The following PVT1 variants were observed in gnomAD, a reference collection of about 807,000 sequenced individuals.
The protein encoded by PVT1 is CXCR4/PVT1 fusion.
intron 4 of PVT1, among the ~76,000 whole-genome samples, chr8:128,029,348 G>A (rs921458430): frequency 1.3e-5 from 2 of 151,784 alleles, no homozygotes; most frequent in East Asian, 1.9e-4. Flanking sequence ...GGCTGGTCTC[G>A]AACTCCTGGG....
At chr8:127,799,277 A>G (rs1814435480) in intron 2 of PVT1, among the ~76,000 whole-genome samples, 1 of 152,128 alleles carries the variant, frequency 6.6e-6, no homozygotes, top group East Asian at 1.9e-4. Flanking sequence ...CTGCTGCTTC[A>G]GCCCGGCATG....
chr8:127,804,781 ACTCCTGAC>A (rs1814507623), intron 2 of PVT1, among the ~76,000 whole-genome samples: 1 of 145,810 alleles, frequency 6.9e-6, no homozygotes, highest in Admixed American at 6.8e-5. Flanking sequence ...CTGGTCTTGA[ACTCCTGAC>A]CTCAAGTGAT....
At chr8:127,830,605 G>C (rs1282139349) in intron 2 of PVT1, among the ~76,000 whole-genome samples, 1 of 152,142 alleles carries the variant, frequency 6.6e-6, no homozygotes, top group Non-Finnish European at 1.5e-5. Flanking sequence ...TACGAGTCAG[G>C]CTGGGTGGTT....
At chr8:127,840,798 A>C (rs2129714866) in intron 2 of PVT1, among the ~76,000 whole-genome samples, 1 of 152,374 alleles carries the variant, frequency 6.6e-6, no homozygotes, top group East Asian at 1.9e-4. Flanking sequence ...AGGGAATGAA[A>C]AGTTGGCCAG....
chr8:127,979,126 A>C (rs1816856088), intron 3 of PVT1, among the ~76,000 whole-genome samples: 1 of 152,262 alleles, frequency 6.6e-6, no homozygotes, highest in African/African-American at 2.4e-5. Context: ...CAAATGTGTA[A>C]GTTCATCTAT....
At chr8:127,982,252 C>G (rs946243986) in intron 3 of PVT1, among the ~76,000 whole-genome samples, 7 of 152,194 alleles carry the variant, frequency 4.6e-5, no homozygotes, top group African/African-American at 1.7e-4. Flanking sequence ...GTTTTAACAG[C>G]AGCTCTAGAG....
chr8:127,811,344 C>A (rs1474022728), intron 2 of PVT1, among the ~76,000 whole-genome samples: 1 of 152,162 alleles, frequency 6.6e-6, no homozygotes, highest in Non-Finnish European at 1.5e-5. Context: ...ACCTGTGGGC[C>A]GTATGTGGCC....
intron 5 of PVT1, chr8:128,082,730 T>G (rs1334487310): frequency 2.0e-5 from 3 of 152,230 alleles, no homozygotes; most frequent in Non-Finnish European, 4.4e-5. Flanking sequence ...AGCTTATTAC[T>G]CCTTTCCTTT....
intron 2 of PVT1, among the ~76,000 whole-genome samples, chr8:127,825,579 A>G (rs1814778172): frequency 6.6e-6 from 1 of 152,224 alleles, no homozygotes; most frequent in Non-Finnish European, 1.5e-5. Context: ...GATGACATCT[A>G]CTTCAGAACT....
chr8:128,044,170 C>G (rs563090210), intron 4 of PVT1, among the ~76,000 whole-genome samples: 2 of 151,592 alleles, frequency 1.3e-5, no homozygotes, highest in East Asian at 3.9e-4. Context: ...ATTGGACAAG[C>G]CTTTCTTGGC....
At chr8:128,097,572 G>A (rs1396013148) in intron 6 of PVT1, among the ~76,000 whole-genome samples, 1 of 152,124 alleles carries the variant, frequency 6.6e-6, no homozygotes, top group African/African-American at 2.4e-5. Flanking sequence ...GCAGGATTAG[G>A]CAGTACTGAC....
At chr8:127,856,673 G>T (rs760588780) in intron 2 of PVT1, among the ~76,000 whole-genome samples, 8 of 152,192 alleles carry the variant, frequency 5.3e-5, no homozygotes, top group Non-Finnish European at 8.8e-5. Flanking sequence ...TGGAATTCTT[G>T]TTGAGGACTA....
intron 3 of PVT1, among the ~76,000 whole-genome samples, chr8:127,974,236 A>G (rs1193316121): frequency 6.6e-6 from 1 of 152,112 alleles, no homozygotes; most frequent in African/African-American, 2.4e-5. Context: ...ATTGGTGCCT[A>G]CAGTTTCCAT....
intron 4 of PVT1, among the ~76,000 whole-genome samples, chr8:128,067,698 G>A (rs1586505732): frequency 6.6e-6 from 1 of 152,044 alleles, no homozygotes. Context: ...CCCAGGCCTG[G>A]GCTGGAGAAC....
At chr8:128,007,140 G>A (rs1817256589) in intron 4 of PVT1, among the ~76,000 whole-genome samples, 1 of 152,202 alleles carries the variant, frequency 6.6e-6, no homozygotes, top group Non-Finnish European at 1.5e-5. Context: ...GAAGGGACAC[G>A]CTCCAACTGT....
At chr8:127,875,330 T>A (rs1345834998) in intron 2 of PVT1, among the ~76,000 whole-genome samples, 1 of 150,188 alleles carries the variant, frequency 6.7e-6, no homozygotes, top group Non-Finnish European at 1.5e-5. Context: ...TCTGTCTCTG[T>A]CTCTGTCTCT....
chr8:127,835,554 G>T (rs544815782), intron 2 of PVT1, among the ~76,000 whole-genome samples: 1 of 152,056 alleles, frequency 6.6e-6, no homozygotes, highest in Non-Finnish European at 1.5e-5. Flanking sequence ...CATGGCACAC[G>T]CATATCTATG....
Position 127,844,303 on chromosome 8 carries a change from T to C in PVT1, n.373-46286T>C, listed in dbSNP as rs547146882. The stretch of plus-strand genomic sequence containing the variant: ...AATGAGAAAAGCCGCCCAGTCCTGA[T>C]TGCAGCCTCATAATGGGTCTGAAAT... On this transcript the variant is annotated intron_variant and non_coding_transcript_variant, in intron 2 of 10. Coordinates refer to ENST00000651587, the Ensembl canonical transcript of PVT1. Among the ~76,000 whole-genome samples the C allele has an allele frequency of 9.9e-5, 15 of 152,262 alleles. No individual in the cohort carries two copies. In the South Asian group the frequency reaches 1.9e-3, roughly 19 times the overall value.
At chr8:128,090,046 A>G (rs892912284) in intron 5 of PVT1, among the ~76,000 whole-genome samples, 3 of 152,222 alleles carry the variant, frequency 2.0e-5, no homozygotes, top group Admixed American at 6.5e-5. Flanking sequence ...AAGAAAACCA[A>G]TTGTGTTGAA....
Sources: gnomAD v4.1 joint callset for allele counts (sites outside exome capture counted in the v4.1 genomes callset) on GRCh38, gnomAD v4.1.1 for gene constraint, MANE v1.5 for transcripts, NCBI Gene and HGNC (gene_info 2026-07-23, HGNC 2026-07-21) for gene names.